The following XKR9 variants were observed in gnomAD, a reference collection of about 807,000 sequenced individuals.
XKR9 encodes the protein XK-related protein 9.
In XKR9, 32 loss-of-function variants were observed where a neutral mutation model predicts 32.0. The ratio of observed to expected loss-of-function variants is 1.00; its 90% CI spans 0.76 to 1.34. XKR9 has a LOEUF of 1.34. XKR9 is among the 40% of genes most tolerant of loss of function. The pLI is 0.00. For synonymous variants in XKR9, 168 were observed against 143.4 expected, an observed-to-expected ratio of 1.17 and a Z score of -1.22; for missense variants, 546 against 429.7, an observed-to-expected ratio of 1.27 and a Z score of -2.39.
At chr8:70,752,926 C>A (rs528840376) in intron 2 of XKR9, among the ~76,000 whole-genome samples, 37 of 152,226 alleles carry the variant, frequency 2.4e-4, no homozygotes, top group African/African-American at 8.7e-4. Flanking sequence ...CAGACCAGAA[C>A]TGAAGGAAAT....
chr8:70,782,147 T>G (rs1483310828), intron 2 of XKR9, among the ~76,000 whole-genome samples: 1 of 151,928 alleles, frequency 6.6e-6, no homozygotes, highest in Non-Finnish European at 1.5e-5. Flanking sequence ...CATGTAGGAA[T>G]GTGAAGCAGC....
At chr8:71,050,268 TAG>T in the XKR9 span, among the ~76,000 whole-genome samples, 1,348 of 88,028 alleles carry the variant, frequency 0.015, 24 homozygotes, top group African/African-American at 0.066. Flanking sequence ...TATAGATAGA[TAG>T]ATAGATATAG....
the XKR9 span, among the ~76,000 whole-genome samples, chr8:70,872,186 C>T: frequency 6.6e-6 from 1 of 152,186 alleles, no homozygotes; most frequent in East Asian, 1.9e-4. Flanking sequence ...CCAGTGAACA[C>T]ACAAATAATA....
the XKR9 span, among the ~76,000 whole-genome samples, chr8:70,812,356 G>T: frequency 6.6e-6 from 1 of 152,188 alleles, no homozygotes; most frequent in East Asian, 1.9e-4. Flanking sequence ...GCAAAAACTG[G>T]AAGCTTTCTC....
the XKR9 span, among the ~76,000 whole-genome samples, chr8:70,969,034 G>T: frequency 6.6e-6 from 1 of 152,186 alleles, no homozygotes; most frequent in South Asian, 2.1e-4. Flanking sequence ...AAGCCAGCAG[G>T]CTAGACAGAG....
At chr8:70,855,809 TG>T in the XKR9 span, among the ~76,000 whole-genome samples, 5 of 152,248 alleles carry the variant, frequency 3.3e-5, no homozygotes, top group South Asian at 1.0e-3. Flanking sequence ...CAGAAGAGAG[TG>T]GGGGCCAATA....
chr8:71,039,073 G>T, the XKR9 span, among the ~76,000 whole-genome samples: 12 of 152,078 alleles, frequency 7.9e-5, no homozygotes, highest in Admixed American at 7.2e-4. Context: ...CAAAGTGCTG[G>T]GATAACAGGC....
chr8:70,893,819 G>A, the XKR9 span, among the ~76,000 whole-genome samples: 9 of 152,082 alleles, frequency 5.9e-5, no homozygotes, highest in African/African-American at 2.2e-4. Flanking sequence ...CAATAACAGT[G>A]CAGTTTCCAG....
At chr8:71,056,572 A>G in the XKR9 span, among the ~76,000 whole-genome samples, 1 of 152,220 alleles carries the variant, frequency 6.6e-6, no homozygotes, top group African/African-American at 2.4e-5. Flanking sequence ...CTTGAGGCAT[A>G]TAGAAGTTAA....
the XKR9 span, among the ~76,000 whole-genome samples, chr8:70,827,990 C>T: frequency 6.6e-6 from 1 of 151,742 alleles, no homozygotes; most frequent in African/African-American, 2.4e-5. Flanking sequence ...TAAATAAAAC[C>T]ACTTTGGGCT....
At chr8:70,888,693 C>T in the XKR9 span, among the ~76,000 whole-genome samples, 1 of 151,996 alleles carries the variant, frequency 6.6e-6, no homozygotes, top group African/African-American at 2.4e-5. Flanking sequence ...TTTCCCAGCA[C>T]TATTTTTTGA....
downstream of XKR9, among the ~76,000 whole-genome samples, chr8:70,736,316 TTTG>T (rs1242295652): frequency 6.0e-5 from 7 of 117,182 alleles, no homozygotes; most frequent in Admixed American, 3.2e-4. Flanking sequence ...GATGGGGTTG[TTTG>T]TTTTTTCTTG....
chr8:70,996,844 C>A, the XKR9 span, among the ~76,000 whole-genome samples: 2 of 152,164 alleles, frequency 1.3e-5, no homozygotes, highest in Admixed American at 6.5e-5. Flanking sequence ...CCAGAGCTAT[C>A]CTCCCTATAC....
intron 3 of XKR9, among the ~76,000 whole-genome samples, chr8:70,700,365 G>A (rs1805475207): frequency 6.6e-6 from 1 of 152,104 alleles, no homozygotes; most frequent in African/African-American, 2.4e-5. Context: ...TTTTTGGTGT[G>A]GATGTCCTTT....
chr8:70,951,161 G>A, the XKR9 span, among the ~76,000 whole-genome samples: 2 of 152,294 alleles, frequency 1.3e-5, no homozygotes, highest in South Asian at 4.1e-4. Flanking sequence ...AACAGACACC[G>A]GTCACCACTA....
chr8:70,744,749 G>T (rs139541307), intron 2 of XKR9, among the ~76,000 whole-genome samples: 1,756 of 150,856 alleles, frequency 0.012, 67 homozygotes, highest in African/African-American at 0.039. Context: ...GGGACTACAG[G>T]TGTGCACCAC....
the XKR9 span, among the ~76,000 whole-genome samples, chr8:70,830,804 A>G: frequency 1.6e-3 from 241 of 152,314 alleles, no homozygotes; most frequent in African/African-American, 5.6e-3. Context: ...GATGGGGATT[A>G]TTATTGACTT....
chr8:71,028,821 T>C, the XKR9 span, among the ~76,000 whole-genome samples: 5 of 152,162 alleles, frequency 3.3e-5, no homozygotes, highest in African/African-American at 7.2e-5. Context: ...CCTAATACTA[T>C]GCAGCTAACT....
At chr8:70,783,547 T>G (rs1400002983) in intron 2 of XKR9, among the ~76,000 whole-genome samples, 1 of 152,156 alleles carries the variant, frequency 6.6e-6, no homozygotes, top group Non-Finnish European at 1.5e-5. Flanking sequence ...TAACTGAGTT[T>G]TTTGTTTTTT....
Sources: allele counts gnomAD v4.1 joint callset (sites outside exome capture counted in the v4.1 genomes callset), GRCh38; gene constraint gnomAD v4.1.1; transcripts MANE v1.5; gene names NCBI Gene and HGNC (gene_info 2026-07-23, HGNC 2026-07-21).